STAG3: variants seen among roughly 807,000 people sequenced by gnomAD.
The protein encoded by STAG3 is STAG3 cohesin complex component, also known as cohesin subunit SA-3.
STAG3 carries 101 observed loss-of-function variants against 160.7 expected under a neutral mutation model. The ratio of observed to expected loss-of-function variants is 0.63; its 90% confidence interval spans 0.54 to 0.74. The LOEUF (loss-of-function observed/expected upper bound fraction) is 0.74, where lower values mean the gene tolerates loss of function less well. Among genes scored for constraint, STAG3 ranks in the 30% least tolerant of loss-of-function variants. The pLI is 0.00. For missense variants in STAG3, 1,188 were observed against 1,517.4 expected, an observed-to-expected ratio of 0.78 and a Z score of 3.61; for synonymous variants, 519 against 585.0, an observed-to-expected ratio of 0.89 and a Z score of 1.63.
rs777064704 is a variant in STAG3 at position 100,205,300 on chromosome 7, TA to T, written c.3155del (p.Tyr1052SerfsTer48). 6.2e-7 allele frequency: 1 copy of T among 1,614,150 alleles called. No individual in the cohort carries two copies. Among genetic ancestry groups the T allele is most frequent in the Non-Finnish European group, 8.5e-7 (1 of 1,180,032 alleles). ...PGHPWGPVTT[Y>X]CHSLSPVENT... is the part of the protein sequence containing the mutation. ...CCATCCCTGGGGCCCAGTCACCACC[TA>T]CTGCCACTCCCTCAGCCCTGTGGAG... On this transcript the variant is annotated frameshift_variant, in exon 29 of 34. Transcript: ENST00000615138. LOFTEE classifies it high-confidence loss of function.
rs1285058697 is a variant in STAG3, at chr7:100,197,299, C to T, written c.1065+20C>T. 1 of 1,605,986 alleles carries T rather than the reference C, an allele frequency of 6.2e-7. No homozygotes were observed. Among genetic ancestry groups the T allele is most frequent in the South Asian group, 1.1e-5 (1 of 90,444 alleles). ...GATAAGGTGGGATTCGAGTCAGTTTCCCTTTCCGTTTCCTTCATCTTTTTC... is the reference window on the plus strand; with the variant it reads ...GATAAGGTGGGATTCGAGTCAGTTTTCCTTTCCGTTTCCTTCATCTTTTTC... On this transcript the variant is annotated intron_variant, in intron 10 of 33. Transcript: ENST00000615138.
intron 5 of STAG3, among the ~76,000 whole-genome samples, chr7:100,187,842 C>T (rs530483292): frequency 2.7e-4 from 41 of 151,394 alleles, no homozygotes; most frequent in East Asian, 9.7e-4. Flanking sequence ...CTGCAACCTC[C>T]GCCTCCCAGG....
chr7:100,189,128 C>T (rs1335401801), intron 7 of STAG3, 112 bp downstream of exon 7: 7 of 1,199,048 alleles, frequency 5.8e-6, no homozygotes, highest in Non-Finnish European at 8.3e-6. Flanking sequence ...CACTTCAAGG[C>T]CATGCCTCTT....
chr7:100,201,255 C>T lies in STAG3; in HGVS notation c.2133-9C>T, dbSNP rs1281263367. On this transcript the variant is annotated splice_polypyrimidine_tract_variant and intron_variant, in intron 20 of 33. Transcript: ENST00000615138. ...TTTCCAGTATAACATTCCCCTTTCT[C>T]CCCCAAAGCACTCATGACCTGACTC... The T allele has an allele frequency of 1.9e-6, 3 of 1,614,076 alleles. No individual in the cohort carries two copies. Among genetic ancestry groups the T allele is most frequent in the Non-Finnish European group, 2.5e-6 (3 of 1,179,992 alleles).
Position 100,214,199 on chromosome 7 carries a change from A to G in STAG3, c.*184A>G, listed in dbSNP as rs1297081753. The G allele has an allele frequency of 1.4e-5, 11 of 790,010 alleles. No individual in the cohort carries two copies. Among genetic ancestry groups the G allele is most frequent in the Non-Finnish European group, 2.0e-5 (10 of 498,088 alleles). 48.9% of individuals were successfully genotyped at this position (790,010 alleles called of 1,614,324 possible). A position where few individuals can be genotyped will look rare whatever the true frequency, so the allele number is the denominator to read the frequency against. On this transcript the variant is annotated 3_prime_UTR_variant, in exon 34 of 34. Transcript: ENST00000615138. ...CCCTCTGGGGTAGAGAAGCCGAGAG[A>G]CCCTGTCCTCCCTAATGCACTGTGG...
At chr7:100,185,491 A>G (rs1490580532) in intron 4 of STAG3, among the ~76,000 whole-genome samples, 1 of 151,730 alleles carries the variant, frequency 6.6e-6, no homozygotes, top group Non-Finnish European at 1.5e-5. Flanking sequence ...AATCCCAGCT[A>G]CTTGTGAGGC....
At chr7:100,189,345 C>A in intron 7 of STAG3, 100 bp from the exon 8 acceptor site, 1 of 1,344,540 alleles carries the variant, frequency 7.4e-7, no homozygotes, top group Non-Finnish European at 1.0e-6. Context: ...TCTGACGTCT[C>A]ATTTTCATTG....
chr7:100,207,203 A>C lies in STAG3; in HGVS notation c.3238+1819A>C, dbSNP rs1197192310. On this transcript the variant is annotated intron_variant, in intron 29 of 33. Coordinates refer to ENST00000615138, the MANE Select transcript of STAG3 (RefSeq NM_001282717.2). This position sits in a 1 kb window ranked among gnomAD's most constrained non-coding sequence, Gnocchi z 4.0. ...CATGCATGTACACATTTTTGGGTGG[A>C]TGCATCTTTTCAGTTATCTTGAGAT... 6.6e-6 allele frequency among the ~76,000 whole-genome samples: 1 copy of C among 152,146 alleles called. No individual in the cohort carries two copies. Among genetic ancestry groups the C allele is most frequent in the Non-Finnish European group, 1.5e-5 (1 of 68,032 alleles).
intron 9 of STAG3, 69 bp from the exon 10 acceptor site, chr7:100,197,087 T>C (rs1489878232): frequency 3.8e-6 from 6 of 1,583,904 alleles, no homozygotes; most frequent in Non-Finnish European, 1.7e-6. Flanking sequence ...GAGGGAGTTA[T>C]CTGGTAGGAT....
intron 3 of STAG3, 84 bp from the exon 4 acceptor site, chr7:100,182,639 G>A: frequency 6.9e-7 from 1 of 1,447,210 alleles, no homozygotes; most frequent in African/African-American, 1.4e-5. Context: ...GCCTACTTGT[G>A]TGATAATGAT....
At chr7:100,200,602 G>T in intron 18 of STAG3, 60 bp downstream of exon 18, 1 of 1,579,412 alleles carries the variant, frequency 6.3e-7, no homozygotes, top group Non-Finnish European at 8.7e-7. Flanking sequence ...GGGTTCTATT[G>T]CCAGTATCTT....
chr7:100,217,453 T>G (rs1016353623), downstream of STAG3, among the ~76,000 whole-genome samples: 3 of 152,198 alleles, frequency 2.0e-5, no homozygotes, highest in East Asian at 1.9e-4. Flanking sequence ...GCACTGTAGA[T>G]GTCCAGCCCT....
chr7:100,197,349 C>T, intron 10 of STAG3, 70 bp downstream of exon 10: 1 of 1,587,736 alleles, frequency 6.3e-7, no homozygotes, highest in Non-Finnish European at 8.6e-7. Flanking sequence ...TTCACCTTTT[C>T]CTGGGCCTGC....
At chr7:100,204,579 C>G in intron 26 of STAG3, 48 bp from the exon 27 acceptor site, 1 of 1,593,318 alleles carries the variant, frequency 6.3e-7, no homozygotes, top group South Asian at 1.1e-5. Context: ...TTCTCTGTTT[C>G]CGCCGTGTTC....
At chr7:100,186,394 A>G (rs1485847185) in intron 5 of STAG3, 98 bp downstream of exon 5, 4 of 1,163,650 alleles carry the variant, frequency 3.4e-6, no homozygotes, top group Non-Finnish European at 5.1e-6. Context: ...CATTTCCTAA[A>G]TAAAGGAAGA....
intron 16 of STAG3, 114 bp from the exon 17 acceptor site, chr7:100,200,122 A>T (rs567008317): frequency 1.5e-6 from 1 of 663,394 alleles, no homozygotes; most frequent in Non-Finnish European, 2.5e-6. Context: ...CGTGGGAGCT[A>T]CTGAGTTCTC....
At chr7:100,209,704 G>A (rs967403774) in intron 29 of STAG3, among the ~76,000 whole-genome samples, 3 of 152,198 alleles carry the variant, frequency 2.0e-5, no homozygotes, top group Admixed American at 6.5e-5. Context: ...TAGGCCGGGG[G>A]CAATGGTGGA....
At position 100,198,967 on chromosome 7, in the gene STAG3, A is replaced by G. The variant is rs368800538; in HGVS notation, c.1467+10A>G. ...CTTTGTGGAGAGCGAGGTGACATAC[A>G]CAGAGAGAAGTCTGGCTGTTGTGCA... On this transcript the variant is annotated intron_variant, in intron 14 of 33. Coordinates refer to ENST00000615138, the MANE Select transcript of STAG3 (RefSeq NM_001282717.2). 23 of 1,609,812 alleles carry G rather than the reference A, an allele frequency of 1.4e-5. No individual in the cohort carries two copies.
intron 4 of STAG3, among the ~76,000 whole-genome samples, chr7:100,183,467 T>C: frequency 6.6e-6 from 1 of 152,248 alleles, no homozygotes; most frequent in South Asian, 2.1e-4. Context: ...TAGCTCCATC[T>C]TGACAATTAT....
Sources: gnomAD v4.1 joint callset for allele counts (sites outside exome capture counted in the v4.1 genomes callset) on GRCh38, gnomAD v4.1.1 for gene constraint, Gnocchi (gnomAD v3.1) non-coding constraint, MANE v1.5 for transcripts, NCBI Gene and HGNC (gene_info 2026-07-23, HGNC 2026-07-21) for gene names.